The following DERA variants were observed in gnomAD, a reference collection of about 807,000 sequenced individuals.
DERA encodes 2-deoxy-D-ribose 5-phosphate aldolase.
DERA carries 15 observed loss-of-function variants against 41.1 expected under a neutral mutation model. That is an observed-to-expected ratio of 0.37 (90% CI 0.24 to 0.56). The LOEUF (loss-of-function observed/expected upper bound fraction) is 0.56, where lower values mean the gene tolerates loss of function less well. Ranked by LOEUF, DERA falls within the 20% of genes least tolerant of loss-of-function variation. DERA has a pLI of 0.81. For synonymous variants in DERA, 139 were observed against 137.4 expected (o/e 1.01, Z -0.08); for missense variants, 396 against 403.4 (o/e 0.98, Z 0.16).
At chr12:16,022,405 A>G (rs1266896130) in intron 6 of DERA, among the ~76,000 whole-genome samples, 1 of 152,198 alleles carries the variant, frequency 6.6e-6, no homozygotes, top group Non-Finnish European at 1.5e-5. Flanking sequence ...TCTTTTCTTT[A>G]TAAATTACCC....
At chr12:15,962,481 A>G (rs1948594279) in intron 4 of DERA, among the ~76,000 whole-genome samples, 2 of 152,228 alleles carry the variant, frequency 1.3e-5, no homozygotes, top group South Asian at 4.1e-4. Context: ...TACCACTACT[A>G]TTTTATGGCT....
intron 6 of DERA, among the ~76,000 whole-genome samples, chr12:15,991,996 A>G (rs901530415): frequency 1.3e-5 from 2 of 151,968 alleles, no homozygotes; most frequent in Non-Finnish European, 1.5e-5. Context: ...TCATGCTGTT[A>G]TACTCTTAGG....
chr12:16,023,483 T>TG (rs1371491056), intron 6 of DERA, among the ~76,000 whole-genome samples: 1 of 145,654 alleles, frequency 6.9e-6, no homozygotes, highest in East Asian at 2.0e-4. Flanking sequence ...CTTTTTTTTT[T>TG]TTTTTTTTTT....
At chr12:16,016,791 CAAAAAAA>C (rs55996641) in intron 6 of DERA, among the ~76,000 whole-genome samples, 4 of 58,676 alleles carry the variant, frequency 6.8e-5, no homozygotes, top group African/African-American at 1.6e-4. Flanking sequence ...GACCCTGTCT[CAAAAAAA>C]AAAAAAAAAA....
At chr12:15,986,409 T>C (rs1948764597) in intron 6 of DERA, among the ~76,000 whole-genome samples, 2 of 152,222 alleles carry the variant, frequency 1.3e-5, no homozygotes, top group African/African-American at 4.8e-5. Context: ...GTTCCTCTTT[T>C]CTTGCAACCT....
chr12:16,032,354 T>A (rs1015304670), intron 6 of DERA, among the ~76,000 whole-genome samples, 188 bp from the exon 7 acceptor site: 1 of 152,140 alleles, frequency 6.6e-6, no homozygotes, highest in African/African-American at 2.4e-5. Flanking sequence ...ACAGTGATGG[T>A]AAGGGGGAAA....
chr12:16,022,396 C>G (rs1949022427), intron 6 of DERA, among the ~76,000 whole-genome samples: 1 of 152,166 alleles, frequency 6.6e-6, no homozygotes, highest in Non-Finnish European at 1.5e-5. Context: ...AATTAAACTT[C>G]TTTTCTTTAT....
At position 15,993,544 on chromosome 12, in the gene DERA, A is replaced by G. The variant is rs1948816382; in HGVS notation, c.637+11108A>G. Among the ~76,000 whole-genome samples, 1 of 151,796 alleles carries G rather than the reference A, an allele frequency of 6.6e-6. No homozygotes were observed. Among genetic ancestry groups the G allele is most frequent in the Non-Finnish European group, 1.5e-5 (1 of 67,960 alleles). The stretch of plus-strand genomic sequence containing the variant: ...CATAGGAAAAAGCATTTAATTTATG[A>G]AAAGGTATGCTACAACTGAAACTTC... On this transcript the variant is annotated intron_variant, in intron 6 of 8. Transcript: ENST00000428559. The surrounding 1 kb of genome is among the most constrained non-coding windows in gnomAD (Gnocchi z 4.4).
chr12:15,969,252 T>C (rs1381360163), intron 5 of DERA, among the ~76,000 whole-genome samples: 1 of 152,246 alleles, frequency 6.6e-6, no homozygotes, highest in Non-Finnish European at 1.5e-5. Flanking sequence ...TCTGTAAATA[T>C]ACAGAGGTGT....
At position 16,000,972 on chromosome 12, in the gene DERA, A is replaced by G. The variant is rs572510161; in HGVS notation, c.637+18536A>G. 1.4e-4 allele frequency among the ~76,000 whole-genome samples: 21 copies of G among 152,322 alleles called. No individual in the cohort carries two copies. Among genetic ancestry groups the G allele is most frequent in the Non-Finnish European group, 2.1e-4 (14 of 68,030 alleles). ...GTATTACAATGCCATTCAAAAATAT[A>G]AAATAAAAATCCTTAAAAGTGCTCT... On this transcript the variant is annotated intron_variant, in intron 6 of 8. Coordinates refer to ENST00000428559, the MANE Select transcript of DERA (RefSeq NM_015954.4). This position sits in a 1 kb window ranked among gnomAD's most constrained non-coding sequence, Gnocchi z 4.8.
At chr12:16,032,905 T>C in intron 7 of DERA, 1 of 373,940 alleles carries the variant, frequency 2.7e-6, no homozygotes, top group East Asian at 5.9e-5. Flanking sequence ...TGTCCTTTTG[T>C]TAACCGAAGA....
At chr12:15,945,311 T>C (rs1251662349) in intron 1 of DERA, among the ~76,000 whole-genome samples, 1 of 152,206 alleles carries the variant, frequency 6.6e-6, no homozygotes, top group African/African-American at 2.4e-5. Context: ...ATCTATAAAT[T>C]ACCTTGGGCA....
intron 1 of DERA, among the ~76,000 whole-genome samples, chr12:15,946,820 G>C (rs1360048315): frequency 2.0e-5 from 3 of 151,934 alleles, no homozygotes; most frequent in Non-Finnish European, 2.9e-5. Flanking sequence ...GTGATGTTAG[G>C]GTGTCAATTT....
At position 15,915,703 on chromosome 12, in the gene DERA, G is replaced by A. The variant is rs992708421; in HGVS notation, c.31+4289G>A. Among the ~76,000 whole-genome samples, 9 of 152,232 alleles carry A rather than the reference G, an allele frequency of 5.9e-5. No individual in the cohort carries two copies. Among genetic ancestry groups the A allele is most frequent in the East Asian group, 1.9e-4 (1 of 5,206 alleles). On this transcript the variant is annotated intron_variant, in intron 1 of 8. Coordinates refer to ENST00000428559, the MANE Select transcript of DERA (RefSeq NM_015954.4). This position sits in a 1 kb window ranked among gnomAD's most constrained non-coding sequence, Gnocchi z 4.8. ...TGCAGACACTGTGCTTAGGTGCTGG[G>A]TATAATGATAGTGTCAACACAGAGC...
At chr12:15,956,702 A>G in intron 1 of DERA, 1 of 572,842 alleles carries the variant, frequency 1.7e-6, no homozygotes, top group Non-Finnish European at 3.3e-6. Flanking sequence ...TACAGAAGCA[A>G]TTGTGGTTTT....
intron 5 of DERA, chr12:15,971,966 CA>C (rs1318953310): frequency 1.5e-5 from 4 of 264,614 alleles, no homozygotes; most frequent in African/African-American, 9.2e-5. Flanking sequence ...TCTTCATTAT[CA>C]AAGTACCAAA....
chr12:16,005,098 C>A (rs1592046198), intron 6 of DERA, among the ~76,000 whole-genome samples: 1 of 152,118 alleles, frequency 6.6e-6, no homozygotes, highest in South Asian at 2.1e-4. Context: ...CCATAATGAA[C>A]TCAACAGACG....
Position 16,021,106 on chromosome 12 carries a change from G to A in DERA, c.638-11436G>A, listed in dbSNP as rs1949014676. ...TAGAGAGATTAGCTTGTCTAAAAGGGAGCCAAGTGCTCATATATAAGACTG... is the reference window on the plus strand; with the variant it reads ...TAGAGAGATTAGCTTGTCTAAAAGGAAGCCAAGTGCTCATATATAAGACTG... On this transcript the variant is annotated intron_variant, in intron 6 of 8. Coordinates refer to ENST00000428559, the MANE Select transcript of DERA (RefSeq NM_015954.4). The surrounding 1 kb of genome is among the most constrained non-coding windows in gnomAD (Gnocchi z 5.3). Among the ~76,000 whole-genome samples the A allele has an allele frequency of 6.6e-6, 1 of 152,232 alleles. No homozygotes were observed. The highest frequency in any genetic ancestry group is 2.4e-5 in the African/African-American group (1 of 41,466).
intron 1 of DERA, among the ~76,000 whole-genome samples, chr12:15,934,208 C>T (rs1317690927): frequency 6.6e-6 from 1 of 152,132 alleles, no homozygotes; most frequent in Non-Finnish European, 1.5e-5. Context: ...TTGCATATTC[C>T]TGTGAATCTC....
Sources: allele counts gnomAD v4.1 joint callset (sites outside exome capture counted in the v4.1 genomes callset), GRCh38; gene constraint gnomAD v4.1.1; non-coding constraint Gnocchi (gnomAD v3.1); transcripts MANE v1.5; gene names NCBI Gene and HGNC (gene_info 2026-07-23, HGNC 2026-07-21).